Variants in FANCD2 observed in about 807,000 individuals in gnomAD.
FANCD2 encodes Fanconi anemia group D2 protein.
In FANCD2, 131 loss-of-function variants were observed where a neutral mutation model predicts 192.3. That is an observed-to-expected ratio of 0.68 (90% confidence interval 0.59 to 0.79). The LOEUF is 0.79. Ranked by LOEUF, FANCD2 falls within the 30% of genes least tolerant of loss-of-function variation. The probability of loss-of-function intolerance (pLI) is 0.00; values close to 1 mark genes in which losing one functional copy is unlikely to be tolerated. For missense variants in FANCD2, 1,508 were observed against 1,701.6 expected, an observed-to-expected ratio of 0.89 and a Z score of 2.00; for synonymous variants, 524 against 612.5, an observed-to-expected ratio of 0.86 and a Z score of 2.13.
chr3:10,041,210 C>CA lies in FANCD2; in HGVS notation c.696-410dup. On this transcript the variant is annotated intron_variant, in intron 9 of 43. Coordinates refer to ENST00000675286, the MANE Select transcript of FANCD2 (RefSeq NM_001018115.3). ...GTAAGACCCTGTCTCAAAAAACAAA[C>CA]AAACAAAAAAAAAAGCAATCTATCA... The CA allele has an allele frequency of 1.8e-5, 4 of 227,954 alleles. No homozygotes were observed. The South Asian group carries it at 2.4e-4, about 13-fold the overall frequency. 14.1% of individuals were successfully genotyped at this position (227,954 alleles called of 1,614,324 possible).
At chr3:10,084,087 G>A (rs113602719) in intron 32 of FANCD2, among the ~76,000 whole-genome samples, 4,537 of 151,186 alleles carry the variant, frequency 0.03, 236 homozygotes, top group African/African-American at 0.1. Context: ...TCTGCTGCCC[G>A]GGTTCAAGCG....
intron 19 of FANCD2, among the ~76,000 whole-genome samples, chr3:10,061,562 A>G (rs1436526349): frequency 6.6e-6 from 1 of 152,222 alleles, no homozygotes; most frequent in Admixed American, 6.5e-5. Context: ...GGATAATAAT[A>G]GGATTTACCT....
intron 6 of FANCD2, among the ~76,000 whole-genome samples, chr3:10,035,736 C>A (rs1397863588): frequency 1.3e-5 from 2 of 152,162 alleles, no homozygotes; most frequent in Non-Finnish European, 2.9e-5. Context: ...TTTTCACACT[C>A]TTAAACTCTT....
chr3:10,060,190 TA>T, intron 18 of FANCD2, 103 bp from the exon 19 acceptor site: 1 of 750,256 alleles, frequency 1.3e-6, no homozygotes, highest in Non-Finnish European at 2.2e-6. Flanking sequence ...AAACAGTTAG[TA>T]AACGGTAAAC....
At chr3:10,075,656 G>T (rs554903463) in intron 29 of FANCD2, among the ~76,000 whole-genome samples, 4 of 150,242 alleles carry the variant, frequency 2.7e-5, no homozygotes, top group Admixed American at 6.6e-5. Context: ...AGGTTTAAGA[G>T]AAATTGAAAT....
chr3:10,066,534 A>G (rs1400216424), intron 25 of FANCD2, among the ~76,000 whole-genome samples: 1 of 152,224 alleles, frequency 6.6e-6, no homozygotes, highest in East Asian at 1.9e-4. Context: ...AAAATTTTTA[A>G]GTACTTACAC....
chr3:10,097,632 C>G (rs986596436), intron 42 of FANCD2, among the ~76,000 whole-genome samples: 2 of 152,166 alleles, frequency 1.3e-5, no homozygotes, highest in Admixed American at 1.3e-4. Context: ...TCATATTGCT[C>G]AAACACACAT....
At position 10,072,915 on chromosome 3, in the gene FANCD2, A is replaced by ACTT. The variant is rs1210364693; in HGVS notation, c.2540_2542dup (p.Thr847_Leu848insSer). 2.5e-6 allele frequency: 4 copies of ACTT among 1,612,584 alleles called. No homozygotes were observed. Among genetic ancestry groups the ACTT allele is most frequent in the Non-Finnish European group, 3.4e-6 (4 of 1,178,884 alleles). On this transcript the variant is annotated inframe_insertion, in exon 27 of 44. Transcript: ENST00000675286. ...TCCTCTTGGAAACTTTGATGTGGAA[A>ACTT]CTTTAGATATAACACCTCATACTGT...
intron 14 of FANCD2, among the ~76,000 whole-genome samples, chr3:10,046,174 C>T (rs1349152689): frequency 6.6e-6 from 1 of 151,506 alleles, no homozygotes; most frequent in Non-Finnish European, 1.5e-5. Context: ...CTGCCTCAGC[C>T]TCCCCAGCAG....
At chr3:10,081,031 A>G in intron 30 of FANCD2, 69 bp from the exon 31 acceptor site, 1 of 1,592,698 alleles carries the variant, frequency 6.3e-7, no homozygotes, top group Non-Finnish European at 8.6e-7. Flanking sequence ...ACTTGACTCC[A>G]TTGCGAACCC....
intron 37 of FANCD2, among the ~76,000 whole-genome samples, chr3:10,091,045 A>G (rs952387229): frequency 6.6e-6 from 1 of 151,874 alleles, no homozygotes; most frequent in Non-Finnish European, 1.5e-5. Flanking sequence ...GGGCTAGCAT[A>G]GGGAAGCAGA....
At chr3:10,073,226 G>GTC (rs759595536) in intron 27 of FANCD2, 27 bp from the exon 28 acceptor site, 107 of 1,560,946 alleles carry the variant, frequency 6.9e-5, no homozygotes, top group Middle Eastern at 5.3e-4. Context: ...AATTACTTGA[G>GTC]TCACTTTTCT....
chr3:10,067,101 C>G, intron 25 of FANCD2, 108 bp from the exon 26 acceptor site: 1 of 782,932 alleles, frequency 1.3e-6, no homozygotes. Flanking sequence ...ACAGACTAAA[C>G]TCAAAGATCT....
chr3:10,064,703 C>A, intron 22 of FANCD2, 26 bp from the exon 23 acceptor site: 2 of 1,613,556 alleles, frequency 1.2e-6, no homozygotes, highest in Non-Finnish European at 1.7e-6. Context: ...TGAGCTGCAA[C>A]ATCAGATTCT....
At chr3:10,080,952 C>G in intron 30 of FANCD2, 148 bp from the exon 31 acceptor site, 2 of 827,500 alleles carry the variant, frequency 2.4e-6, no homozygotes, top group South Asian at 3.0e-5. Context: ...TTTTATCCCT[C>G]TGTCAGAATA....
At chr3:10,060,745 A>G (rs2087542451) in intron 19 of FANCD2, among the ~76,000 whole-genome samples, 1 of 152,220 alleles carries the variant, frequency 6.6e-6, no homozygotes, top group South Asian at 2.1e-4. Flanking sequence ...GCAGGTGTCT[A>G]CATTGCTGTG....
At chr3:10,048,094 G>A (rs1251925332) in intron 16 of FANCD2, 43 bp downstream of exon 16, 4 of 1,613,228 alleles carry the variant, frequency 2.5e-6, no homozygotes, top group Non-Finnish European at 3.4e-6. Context: ...AACACAGAAA[G>A]GGAAAATAAT....
Position 10,034,507 on chromosome 3 carries a change from AC to A in FANCD2, c.247del (p.Leu83Ter). ...AGCTTTCCAAAAGAAGCTCTTTCAG[AC>A]CCTGAGGAGACACCCTTCCTATCCC... ...QIAFQKKLFQ[T>X]LRRHPSYPKI... On this transcript the variant is annotated frameshift_variant, in exon 4 of 44. Transcript: ENST00000675286. LOFTEE classifies it high-confidence loss of function. 6 of 1,613,054 alleles carry A rather than the reference AC, an allele frequency of 3.7e-6. No homozygotes were observed. The highest frequency in any genetic ancestry group is 5.1e-6 in the Non-Finnish European group (6 of 1,179,180).
At chr3:10,028,535 T>G (rs1163664289) in intron 1 of FANCD2, 90 bp from the exon 2 acceptor site, 1 of 834,006 alleles carries the variant, frequency 1.2e-6, no homozygotes, top group Non-Finnish European at 2.0e-6. Context: ...CCCTCTGATT[T>G]TGGATAGAGC....
Sources: allele counts gnomAD v4.1 joint callset (sites outside exome capture counted in the v4.1 genomes callset), GRCh38; gene constraint gnomAD v4.1.1; transcripts MANE v1.5; gene names NCBI Gene and HGNC (gene_info 2026-07-23, HGNC 2026-07-21).